The following PLCXD3 variants were observed in gnomAD, a reference collection of about 807,000 sequenced individuals.
PLCXD3 encodes the protein PI-PLC X domain-containing protein 3.
A neutral mutation model predicts 25.5 loss-of-function variants in PLCXD3; 19 were observed. The ratio of observed to expected loss-of-function variants is 0.75; its 90% CI spans 0.52 to 1.09. The LOEUF (loss-of-function observed/expected upper bound fraction) is 1.09. Ranked by LOEUF, PLCXD3 falls within the 50% of genes least tolerant of loss-of-function variation. The pLI is 0.00. For missense variants in PLCXD3, 411 were observed against 388.1 expected (o/e 1.06, Z -0.50); for synonymous variants, 174 against 137.6 (o/e 1.26, Z -1.85).
intron 1 of PLCXD3, among the ~76,000 whole-genome samples, chr5:41,466,599 T>C (rs1369902611): frequency 3.9e-5 from 6 of 152,066 alleles, no homozygotes; most frequent in Non-Finnish European, 4.4e-5. Flanking sequence ...TAATACATTA[T>C]TGTCTACAGT....
intron 1 of PLCXD3, among the ~76,000 whole-genome samples, chr5:41,403,267 GA>G (rs1422568587): frequency 6.9e-6 from 1 of 144,380 alleles, no homozygotes; most frequent in African/African-American, 2.6e-5. Flanking sequence ...AACAAGATTA[GA>G]AAAGAGGAAC....
At chr5:41,409,146 T>C (rs995280824) in intron 1 of PLCXD3, among the ~76,000 whole-genome samples, 1 of 152,200 alleles carries the variant, frequency 6.6e-6, no homozygotes, top group African/African-American at 2.4e-5. Flanking sequence ...ATATGCTTTA[T>C]TTACAAGAAA....
chr5:41,346,079 C>T (rs1411919578), intron 2 of PLCXD3, among the ~76,000 whole-genome samples: 1 of 152,122 alleles, frequency 6.6e-6, no homozygotes, highest in African/African-American at 2.4e-5. Flanking sequence ...GGAGGTTTCA[C>T]CATGTTGGCG....
chr5:41,473,615 G>A (rs753895252), intron 1 of PLCXD3, among the ~76,000 whole-genome samples: 57 of 151,982 alleles, frequency 3.8e-4, no homozygotes, highest in East Asian at 7.7e-4. Context: ...ACCACGCCCC[G>A]CTAATTTTTT....
At chr5:41,379,492 A>C (rs958395822) in intron 2 of PLCXD3, among the ~76,000 whole-genome samples, 1 of 152,214 alleles carries the variant, frequency 6.6e-6, no homozygotes, top group East Asian at 1.9e-4. Context: ...CTAGTTACAC[A>C]ATCATCTAGA....
intron 1 of PLCXD3, among the ~76,000 whole-genome samples, chr5:41,463,788 A>G (rs2150517763): frequency 6.6e-6 from 1 of 151,930 alleles, no homozygotes; most frequent in South Asian, 2.1e-4. Flanking sequence ...TGTGTCATGC[A>G]TTGGAATTCA....
At chr5:41,493,736 G>A (rs1307793939) in intron 1 of PLCXD3, among the ~76,000 whole-genome samples, 5 of 152,324 alleles carry the variant, frequency 3.3e-5, no homozygotes, top group South Asian at 2.1e-4. Flanking sequence ...AGGACCCTCC[G>A]AGCCAGGTGC....
At chr5:41,491,609 T>C (rs955653013) in intron 1 of PLCXD3, among the ~76,000 whole-genome samples, 3 of 152,114 alleles carry the variant, frequency 2.0e-5, no homozygotes, top group Non-Finnish European at 4.4e-5. Context: ...TTTATGAATC[T>C]GGGTGCTCCT....
intron 2 of PLCXD3, among the ~76,000 whole-genome samples, chr5:41,364,671 A>C (rs1427018976): frequency 3.9e-5 from 6 of 152,210 alleles, no homozygotes; most frequent in Non-Finnish European, 4.4e-5. Context: ...GTTGCTATAA[A>C]ATTGTCCTTT....
intron 2 of PLCXD3, among the ~76,000 whole-genome samples, chr5:41,361,091 G>T (rs1744758319): frequency 6.6e-6 from 1 of 152,044 alleles, no homozygotes; most frequent in Admixed American, 6.6e-5. Flanking sequence ...CTGCTGTGGG[G>T]GATGGGGGTG....
At chr5:41,440,871 G>A (rs1207773265) in intron 1 of PLCXD3, among the ~76,000 whole-genome samples, 1 of 152,094 alleles carries the variant, frequency 6.6e-6, no homozygotes, top group African/African-American at 2.4e-5. Flanking sequence ...AAGTGCAGTT[G>A]TGACTTTAAC....
chr5:41,508,086 T>A (rs563401528), intron 1 of PLCXD3, among the ~76,000 whole-genome samples: 1 of 152,304 alleles, frequency 6.6e-6, no homozygotes, highest in East Asian at 1.9e-4. Context: ...TGTTGGTCTA[T>A]TTTTTCTCAC....
Position 41,382,361 on chromosome 5 carries a change from G to T in PLCXD3, c.277C>A (p.Arg93Ser). 1 of 1,613,422 alleles carries T rather than the reference G, an allele frequency of 6.2e-7. No homozygotes were observed. Among genetic ancestry groups the T allele is most frequent in the East Asian group, 2.2e-5 (1 of 44,794 alleles). The part of the protein sequence containing the change: ...NFTGQLGAGI[R>S]YFDLRISTKP... ...GTGGAAATTCGAAGATCAAAATAACGAATTCCAGCTCCTAGCTGGCCAGTA... is the reference window on the plus strand; with the variant it reads ...GTGGAAATTCGAAGATCAAAATAACTAATTCCAGCTCCTAGCTGGCCAGTA... The change falls in exon 2 of 3, where the codon CGT becomes AGT. Residue 93 changes from arginine to serine, a missense_variant. Physicochemically the swap from Arg to Ser is moderately radical, Grantham distance 110. Transcript: ENST00000377801.
chr5:41,418,741 A>T (rs965114389), intron 1 of PLCXD3, among the ~76,000 whole-genome samples: 3 of 152,158 alleles, frequency 2.0e-5, no homozygotes, highest in African/African-American at 7.2e-5. Context: ...CCAACTGAAA[A>T]AACTTTCACT....
chr5:41,365,021 T>A (rs914614432), intron 2 of PLCXD3, among the ~76,000 whole-genome samples: 3 of 152,176 alleles, frequency 2.0e-5, no homozygotes, highest in Non-Finnish European at 1.5e-5. Context: ...CACATAATGC[T>A]TTCACTTTTC....
intron 2 of PLCXD3, among the ~76,000 whole-genome samples, chr5:41,314,351 C>T (rs1480659698): frequency 1.3e-5 from 2 of 152,158 alleles, no homozygotes; most frequent in Non-Finnish European, 2.9e-5. Flanking sequence ...TCAGTGTAGG[C>T]ACCTGGAGGA....
intron 2 of PLCXD3, 85 bp from the exon 3 acceptor site, chr5:41,313,855 C>A: frequency 7.1e-7 from 1 of 1,411,074 alleles, no homozygotes; most frequent in Non-Finnish European, 9.5e-7. Flanking sequence ...CCTTTAGTTT[C>A]TAGCTTATTA....
intron 1 of PLCXD3, among the ~76,000 whole-genome samples, chr5:41,433,518 A>G (rs1257723861): frequency 6.6e-6 from 1 of 152,080 alleles, no homozygotes; most frequent in Non-Finnish European, 1.5e-5. Context: ...CCTTTCCACC[A>G]TCCCAAGATG....
At chr5:41,339,685 G>C (rs1008639593) in intron 2 of PLCXD3, among the ~76,000 whole-genome samples, 1 of 152,134 alleles carries the variant, frequency 6.6e-6, no homozygotes, top group African/African-American at 2.4e-5. Context: ...ATATGGAAGA[G>C]AAGCATTATT....
Sources: allele counts gnomAD v4.1 joint callset (sites outside exome capture counted in the v4.1 genomes callset), GRCh38; gene constraint gnomAD v4.1.1; transcripts MANE v1.5; gene names NCBI Gene and HGNC (gene_info 2026-07-23, HGNC 2026-07-21).